Variants in ZNF850 observed in about 807,000 individuals in gnomAD.
ZNF850 encodes the protein putative zinc finger protein ENSP00000330994.
ZNF850 carries 2 observed loss-of-function variants against 11.9 expected under a neutral mutation model. The observed-to-expected ratio is 0.17, with a 90% CI of 0.07 to 0.53. The LOEUF (loss-of-function observed/expected upper bound fraction) is 0.53, where lower values mean the gene tolerates loss of function less well. ZNF850 is among the 20% of genes least tolerant of loss of function. The probability of loss-of-function intolerance (pLI) is 0.94; values close to 1 mark genes in which losing one functional copy is unlikely to be tolerated. For synonymous variants in ZNF850, 381 were observed against 443.0 expected, an observed-to-expected ratio of 0.86 and a Z score of 1.76; for missense variants, 1,014 against 1,316.4, an observed-to-expected ratio of 0.77 and a Z score of 3.55.
At chr19:36,764,859 G>A (rs988579974) in intron 1 of ZNF850, among the ~76,000 whole-genome samples, 1 of 148,672 alleles carries the variant, frequency 6.7e-6, no homozygotes, top group Non-Finnish European at 1.5e-5. Context: ...ACTAATTTTT[G>A]TATTTTTAGT....
rs558355345 is a variant in ZNF850, at chr19:36,771,828, A to C, written c.-70+897T>G. ...GCGAAACATCCTTCCCAACCGCCTG[A>C]CTTCCTTATCACATCCTGCTGGGCA... is the stretch of plus-strand genomic sequence containing the variant. On this transcript the variant is annotated intron_variant, in intron 1 of 4. Transcript: ENST00000591344. Among the ~76,000 whole-genome samples the C allele has an allele frequency of 4.6e-5, 7 of 152,194 alleles. No homozygotes were observed. In the East Asian group the frequency reaches 1.4e-3, roughly 29 times the overall value.
chr19:36,748,638 A>C lies in ZNF850; in HGVS notation c.2402T>G (p.Ile801Ser). The change falls in exon 5 of 5, where the codon ATT becomes AGT. Residue 801 changes from isoleucine to serine, a missense_variant. By Grantham distance (142) the Ile-to-Ser change is moderately radical. Transcript: ENST00000591344. Reference sequence around the variant, plus strand: ...ACCAGTGTGAAGTGGCTGATGTTGAATTAGTGTTGAATGAGAAGTAAAAGA... The same window carrying C: ...ACCAGTGTGAAGTGGCTGATGTTGACTTAGTGTTGAATGAGAAGTAAAAGA... ...GKSFTSHSTL[I>S]QHQPLHTGEK... 6.5e-7 allele frequency: 1 copy of C among 1,537,146 alleles called. No homozygotes were observed.
At chr19:36,756,297 T>C (rs1012842721) in intron 4 of ZNF850, among the ~76,000 whole-genome samples, 3 of 152,220 alleles carry the variant, frequency 2.0e-5, no homozygotes, top group Non-Finnish European at 4.4e-5. Context: ...TCCAGGAAGA[T>C]GTGTATTTGC....
chr19:36,767,282 C>T (rs2040554681), intron 1 of ZNF850, among the ~76,000 whole-genome samples: 1 of 150,946 alleles, frequency 6.6e-6, no homozygotes, highest in Non-Finnish European at 1.5e-5. Flanking sequence ...AAAAGTCGGG[C>T]ACAGTGGCTC....
chr19:36,755,296 C>T (rs1475377343), intron 4 of ZNF850, among the ~76,000 whole-genome samples: 10 of 152,126 alleles, frequency 6.6e-5, no homozygotes, highest in Admixed American at 4.6e-4. Flanking sequence ...GGTGCAATCT[C>T]GGCTCACTGC....
chr19:36,756,515 C>G (rs1041939754), intron 4 of ZNF850, among the ~76,000 whole-genome samples: 1 of 152,126 alleles, frequency 6.6e-6, no homozygotes, highest in East Asian at 1.9e-4. Context: ...CCCCAGATAA[C>G]AACAGATAAA....
chr19:36,764,375 G>C (rs981712628), intron 1 of ZNF850, among the ~76,000 whole-genome samples: 6 of 152,170 alleles, frequency 3.9e-5, no homozygotes, highest in African/African-American at 1.4e-4. Flanking sequence ...CTGGTCATGG[G>C]TCAGACACTT....
At chr19:36,763,681 C>T (rs957596950) in intron 1 of ZNF850, among the ~76,000 whole-genome samples, 3 of 152,132 alleles carry the variant, frequency 2.0e-5, no homozygotes, top group Admixed American at 2.0e-4. Flanking sequence ...GTAATCACAG[C>T]ACTTTGGGAG....
Position 36,748,814 on chromosome 19 carries a change from T to C in ZNF850, c.2226A>G (p.Ser742=). The change falls in exon 5 of 5, where the codon TCA becomes TCG. Residue 742 remains serine (S), a synonymous_variant. Coordinates refer to ENST00000591344, the MANE Select transcript of ZNF850 (RefSeq NM_001193552.2). ...GAATTTGCTGATGTTGAATTAGTGT[T>C]GAGTGAGAAGTAAAAGATTTCCCAC... ...KECGKSFTSH[S]TLIQHQQIHT... 1.3e-6 allele frequency: 2 copies of C among 1,548,760 alleles called. No individual in the cohort carries two copies. The highest frequency in any genetic ancestry group is 2.7e-5 in the African/African-American group (2 of 73,384).
chr19:36,771,182 C>G (rs865936103), intron 1 of ZNF850, among the ~76,000 whole-genome samples: 1 of 152,088 alleles, frequency 6.6e-6, no homozygotes, highest in Non-Finnish European at 1.5e-5. Context: ...GAGGTCGGAG[C>G]GGAAGTTTAA....
chr19:36,748,567 GAAGAGT>G lies in ZNF850; in HGVS notation c.2467_2472del (p.Thr823_Leu824del). On this transcript the variant is annotated inframe_deletion, in exon 5 of 5. Coordinates refer to ENST00000591344, the MANE Select transcript of ZNF850 (RefSeq NM_001193552.2). Reference sequence around the variant, plus strand: ...GGCCGATGTTGAATTAGTGCTGAGCGAAGAGTAAAAGATTTCCCACATTCCTTGCAA... The same window carrying G: ...GGCCGATGTTGAATTAGTGCTGAGCGAAAAGATTTCCCACATTCCTTGCAA... 1 of 1,537,058 alleles carries G rather than the reference GAAGAGT, an allele frequency of 6.5e-7. No homozygotes were observed. Among genetic ancestry groups the G allele is most frequent in the Non-Finnish European group, 8.7e-7 (1 of 1,146,928 alleles).
chr19:36,748,784 A>G lies in ZNF850; in HGVS notation c.2256T>C (p.Thr752=), dbSNP rs1366100894. The change falls in exon 5 of 5, where the codon ACT becomes ACC. Residue 752 remains threonine, a synonymous_variant. Coordinates refer to ENST00000591344, the MANE Select transcript of ZNF850 (RefSeq NM_001193552.2). ...STLIQHQQIH[T]GEKPYDCKEC... ...CCTTACAATCATAGGGTTTCTCACC[A>G]GTGTGAATTTGCTGATGTTGAATTA... The G allele has an allele frequency of 2.6e-6, 4 of 1,552,640 alleles. No individual in the cohort carries two copies.
chr19:36,748,531 C>A lies in ZNF850; in HGVS notation c.2509G>T (p.Gly837Cys). ...ALIQHRPVHT[G>C]EKRYSCKECG... The stretch of plus-strand genomic sequence containing the variant: ...TCTTTACAACTGTAGCGTTTCTCAC[C>A]AGTGTGAACTGGCCGATGTTGAATT... The change falls in exon 5 of 5, where the codon GGT (glycine) becomes TGT (cysteine). Residue 837 changes from glycine to cysteine, a missense_variant. Physicochemically the swap from Gly to Cys is radical, Grantham distance 159. This residue lies in a region of ZNF850 where 835 missense variants were observed against 1,022.0 expected (regional missense o/e 0.82). Coordinates refer to ENST00000591344, the MANE Select transcript of ZNF850 (RefSeq NM_001193552.2). The A allele has an allele frequency of 6.5e-6, 10 of 1,537,474 alleles. No homozygotes were observed. The highest frequency in any genetic ancestry group is 8.7e-6 in the Non-Finnish European group (10 of 1,146,996).
At position 36,747,076 on chromosome 19, in the gene ZNF850, A is replaced by G. The variant is rs2385564; in HGVS notation, c.*691T>C. 115,730 of 152,158 alleles carry G rather than the reference A, an allele frequency of 0.76. 44,103 individuals are homozygous for G. The highest frequency in any genetic ancestry group is 0.82 in the East Asian group (4,218 of 5,130). 9.4% of individuals were successfully genotyped at this position (152,158 alleles called of 1,614,324 possible). A position where few individuals can be genotyped will look rare whatever the true frequency, so the allele number is the denominator to read the frequency against. ...AGAGGCAGGAGAATCACTTGAACCC[A>G]GGAGGCAGAGGTTGCAGTGAGCCAA... On this transcript the variant is annotated 3_prime_UTR_variant, in exon 5 of 5. Transcript: ENST00000591344.
intron 4 of ZNF850, 126 bp from the exon 5 acceptor site, chr19:36,750,930 G>A (rs2040449942): frequency 9.6e-7 from 1 of 1,041,206 alleles, no homozygotes; most frequent in African/African-American, 1.6e-5. Context: ...GTTGGGCGTG[G>A]TGGCTCATGC....
At position 36,749,317 on chromosome 19, in the gene ZNF850, C is replaced by G; in HGVS notation, c.1723G>C (p.Ala575Pro). 6.4e-7 allele frequency: 1 copy of G among 1,556,366 alleles called. No individual in the cohort carries two copies. Among genetic ancestry groups the G allele is most frequent in the Non-Finnish European group, 8.7e-7 (1 of 1,155,274 alleles). ...TGAATTCGCTGATGTTGAATTAGTG[C>G]TGAGCGAGAAGTAAAAGATTTTCCA... ...ECGKSFTSRS[A>P]LIQHQRIHTG... The change falls in exon 5 of 5, where the codon GCA becomes CCA. Residue 575 changes from alanine (A) to proline (P), a missense_variant. Around this residue, in one of 2 missense-constraint regions of ZNF850, gnomAD observed 835 missense variants for 1,022.0 expected, o/e 0.82. Coordinates refer to ENST00000591344, the MANE Select transcript of ZNF850 (RefSeq NM_001193552.2).
chr19:36,760,506 A>G, intron 4 of ZNF850, among the ~76,000 whole-genome samples: 1 of 152,002 alleles, frequency 6.6e-6, no homozygotes, highest in Non-Finnish European at 1.5e-5. Context: ...TATATCTTCC[A>G]TAACTGTCAC....
intron 4 of ZNF850, among the ~76,000 whole-genome samples, chr19:36,752,116 AT>A (rs1266743668): frequency 1.4e-5 from 2 of 142,498 alleles, no homozygotes; most frequent in Admixed American, 7.0e-5. Flanking sequence ...ATGAATTTGA[AT>A]TGGCAGTATA....
Position 36,748,664 on chromosome 19 carries a change from T to C in ZNF850, c.2376A>G (p.Lys792=), listed in dbSNP as rs1293987262. Residue 792 remains lysine, a synonymous_variant, in exon 5 of 5, where the codon AAA becomes AAG. Coordinates refer to ENST00000591344, the MANE Select transcript of ZNF850 (RefSeq NM_001193552.2). ...EKLYDCKECG[K]SFTSHSTLIQ... ...TTAGTGTTGAATGAGAAGTAAAAGA[T>C]TTCCCACATTCCTTACAATCATAGA... is the stretch of plus-strand genomic sequence containing the variant. The C allele has an allele frequency of 1.3e-6, 2 of 1,537,458 alleles. No individual in the cohort carries two copies. The highest frequency in any genetic ancestry group is 1.7e-6 in the Non-Finnish European group (2 of 1,147,000).
Sources: gnomAD v4.1 joint callset for allele counts (sites outside exome capture counted in the v4.1 genomes callset) on GRCh38, gnomAD v4.1.1 for gene constraint, gnomAD v4.1.1 regional missense constraint, MANE v1.5 for transcripts, NCBI Gene and HGNC (gene_info 2026-07-23, HGNC 2026-07-21) for gene names.